NOSTRIN: variants seen among roughly 807,000 people sequenced by gnomAD.
The protein encoded by NOSTRIN is BM247 homolog.
In NOSTRIN, 63 loss-of-function variants were observed where a neutral mutation model predicts 59.0. The observed-to-expected ratio is 1.07, with a 90% CI of 0.87 to 1.32. The LOEUF is 1.32. NOSTRIN is among the 40% of genes most tolerant of loss of function. The pLI is 0.00. For missense variants in NOSTRIN, 512 were observed against 473.1 expected (o/e 1.08, Z -0.76); for synonymous variants, 200 against 165.4 (o/e 1.21, Z -1.61).
chr2:168,855,699 A>G (rs577005702), intron 11 of NOSTRIN: 1 of 475,616 alleles, frequency 2.1e-6, no homozygotes, highest in African/African-American at 2.0e-5. Context: ...TATAAGTATT[A>G]TACTACTATT....
intron 7 of NOSTRIN, among the ~76,000 whole-genome samples, chr2:168,842,783 A>T (rs535611283): frequency 6.6e-6 from 1 of 152,318 alleles, no homozygotes; most frequent in South Asian, 2.1e-4. Flanking sequence ...TGGGGGAATC[A>T]TACTGGAAGG....
At chr2:168,843,617 G>A (rs1336793623) in intron 8 of NOSTRIN, among the ~76,000 whole-genome samples, 2 of 152,128 alleles carry the variant, frequency 1.3e-5, no homozygotes, top group Non-Finnish European at 2.9e-5. Flanking sequence ...ATAATAATGG[G>A]CAAAATATGT....
intron 11 of NOSTRIN, chr2:168,856,010 A>G (rs1309089504): frequency 1.3e-5 from 5 of 386,048 alleles, no homozygotes; most frequent in East Asian, 8.5e-5. Context: ...ACTCATTGCA[A>G]TGGAATACTA....
intron 1 of NOSTRIN, among the ~76,000 whole-genome samples, chr2:168,807,513 T>G (rs1450090255): frequency 1.3e-5 from 2 of 152,206 alleles, no homozygotes; most frequent in African/African-American, 2.4e-5. Context: ...GGGGAATTTT[T>G]GGCGTATAGT....
intron 3 of NOSTRIN, among the ~76,000 whole-genome samples, chr2:168,826,668 G>A (rs920632976): frequency 6.6e-6 from 1 of 152,150 alleles, no homozygotes; most frequent in Non-Finnish European, 1.5e-5. Flanking sequence ...CCTCCAAGGG[G>A]CAAATGTCAG....
intron 10 of NOSTRIN, 45 bp from the exon 11 acceptor site, chr2:168,855,307 T>C (rs1394578302): frequency 9.9e-7 from 1 of 1,014,830 alleles, no homozygotes; most frequent in East Asian, 2.5e-5. Flanking sequence ...GAATAGCAAC[T>C]CTTACTTCTT....
Position 168,850,948 on chromosome 2 carries a change from G to T in NOSTRIN, c.631-136G>T, listed in dbSNP as rs1440272071. On this transcript the variant is annotated intron_variant, in intron 8 of 15. Transcript: ENST00000317647. ...CTTCCTGGAAATCTCCCTCCACTAT[G>T]GTTTGGATATGACATAGTCAAGAGG... 3.9e-5 allele frequency: 32 copies of T among 811,580 alleles called. No homozygotes were observed. In the Admixed American group the frequency reaches 6.1e-4, roughly 15 times the overall value. The allele number at this position is 811,580 out of a possible 1,614,324, so 50.3% of individuals were successfully genotyped here. A position where few individuals can be genotyped will look rare whatever the true frequency, so the allele number is the denominator to read the frequency against.
At chr2:168,786,600 G>A (rs547850334) in exon 1 of NOSTRIN, 1 of 152,246 alleles carries the variant, frequency 6.6e-6, no homozygotes, top group African/African-American at 2.4e-5. Context: ...CCACCAGAAG[G>A]GAAGAATCAG....
At chr2:168,853,890 C>T (rs1298510840) in intron 10 of NOSTRIN, among the ~76,000 whole-genome samples, 1 of 152,172 alleles carries the variant, frequency 6.6e-6, no homozygotes, top group African/African-American at 2.4e-5. Context: ...TTATTTGAGA[C>T]GGAGTCTCGC....
At chr2:168,852,303 G>T (rs1688814701) in intron 10 of NOSTRIN, among the ~76,000 whole-genome samples, 1 of 152,090 alleles carries the variant, frequency 6.6e-6, no homozygotes, top group Non-Finnish European at 1.5e-5. Context: ...TATTTTGAGG[G>T]TACTTGAGTG....
chr2:168,802,612 G>GT, upstream of NOSTRIN: 1 of 865,330 alleles, frequency 1.2e-6, no homozygotes, highest in Non-Finnish European at 2.0e-6. Context: ...ATGCTGGAGC[G>GT]TAGGTGAAAG....
At chr2:168,836,339 C>A (rs548696061) in intron 7 of NOSTRIN, among the ~76,000 whole-genome samples, 1 of 152,266 alleles carries the variant, frequency 6.6e-6, no homozygotes, top group East Asian at 1.9e-4. Context: ...CTCTTCCTAC[C>A]CCCATCAGCA....
chr2:168,800,805 C>A (rs372553827), upstream of NOSTRIN, among the ~76,000 whole-genome samples: 2 of 151,386 alleles, frequency 1.3e-5, no homozygotes, highest in Non-Finnish European at 2.9e-5. Context: ...ATGGTGGCTC[C>A]GGACAAGTTT....
intron 7 of NOSTRIN, among the ~76,000 whole-genome samples, chr2:168,834,541 A>ACACACACACC (rs58702721): frequency 0.022 from 3,036 of 139,488 alleles, 50 homozygotes; most frequent in African/African-American, 0.026. Context: ...ACACACACAC[A>ACACACACACC]CCACATACAT....
At chr2:168,853,648 C>T (rs72883292) in intron 10 of NOSTRIN, among the ~76,000 whole-genome samples, 1,944 of 152,256 alleles carry the variant, frequency 0.013, 24 homozygotes, top group Non-Finnish European at 0.02. Context: ...ATTCCTTCAA[C>T]AGGGAAGGAC....
chr2:168,789,471 A>C (rs1242773573), intron 2 of NOSTRIN, among the ~76,000 whole-genome samples: 2 of 152,234 alleles, frequency 1.3e-5, no homozygotes, highest in Admixed American at 6.5e-5. Flanking sequence ...CACTGTCATG[A>C]GAACAGCACA....
intron 8 of NOSTRIN, among the ~76,000 whole-genome samples, chr2:168,848,873 G>A (rs1688583889): frequency 6.6e-6 from 1 of 152,160 alleles, no homozygotes; most frequent in Non-Finnish European, 1.5e-5. Flanking sequence ...GGTGGTGTTT[G>A]CATAATAATG....
At chr2:168,798,517 A>G (rs1365305382), upstream of NOSTRIN, among the ~76,000 whole-genome samples, 1 of 152,162 alleles carries the variant, frequency 6.6e-6, no homozygotes, top group Non-Finnish European at 1.5e-5. Flanking sequence ...TCCAGGCCAG[A>G]CCCTGGAAGG....
At chr2:168,831,673 T>G in intron 6 of NOSTRIN, 139 bp downstream of exon 6, 1 of 606,622 alleles carries the variant, frequency 1.6e-6, no homozygotes, top group Non-Finnish European at 3.1e-6. Flanking sequence ...CTTACCTGGT[T>G]GTTACACAGA....
Sources: gnomAD v4.1 joint callset for allele counts (sites outside exome capture counted in the v4.1 genomes callset) on GRCh38, gnomAD v4.1.1 for gene constraint, MANE v1.5 for transcripts, NCBI Gene and HGNC (gene_info 2026-07-23, HGNC 2026-07-21) for gene names.